The following CATSPERB variants were observed in gnomAD, a reference collection of about 807,000 sequenced individuals.
CATSPERB encodes the protein cation channel sperm-associated auxiliary subunit beta.
A neutral mutation model predicts 128.3 loss-of-function variants in CATSPERB; 93 were observed. That is an observed-to-expected ratio of 0.72 (90% CI 0.61 to 0.86). The LOEUF (loss-of-function observed/expected upper bound fraction) is 0.86. CATSPERB is among the 40% of genes least tolerant of loss of function. The probability of loss-of-function intolerance (pLI) is 0.00; values close to 1 mark genes in which losing one functional copy is unlikely to be tolerated. For missense variants in CATSPERB, 1,153 were observed against 1,329.5 expected (o/e 0.87, Z 2.06); for synonymous variants, 381 against 448.8 (o/e 0.85, Z 1.91).
intron 2 of CATSPERB, among the ~76,000 whole-genome samples, chr14:91,725,842 G>A (rs745414319): frequency 2.0e-4 from 31 of 152,126 alleles, no homozygotes; most frequent in Non-Finnish European, 3.8e-4. Flanking sequence ...TTCTGTTTTC[G>A]TGCCCAGAAG....
chr14:91,672,149 A>T (rs1007462789), intron 13 of CATSPERB, among the ~76,000 whole-genome samples: 2 of 151,470 alleles, frequency 1.3e-5, no homozygotes, highest in African/African-American at 2.4e-5. Context: ...TCCTATTAAT[A>T]TTTTTTTTTC....
In CATSPERB at chr14:91,580,747, A is replaced by C; in HGVS notation, c.*142T>G. The C allele has an allele frequency of 1.5e-6, 1 of 654,892 alleles. No individual in the cohort carries two copies. The highest frequency in any genetic ancestry group is 2.6e-6 in the Non-Finnish European group (1 of 384,412). 40.6% of individuals were successfully genotyped at this position (654,892 alleles called of 1,614,324 possible). On this transcript the variant is annotated 3_prime_UTR_variant, in exon 27 of 27. Coordinates refer to ENST00000256343, the MANE Select transcript of CATSPERB (RefSeq NM_024764.4). ...TCAAAATAAGAAAAGGAAATGGTGA[A>C]TATATTGACAAGTAGCAATTTGAAT... is the stretch of plus-strand genomic sequence containing the variant.
At chr14:91,666,380 CAAA>C (rs1376444920) in intron 14 of CATSPERB, among the ~76,000 whole-genome samples, 1 of 152,172 alleles carries the variant, frequency 6.6e-6, no homozygotes, top group Non-Finnish European at 1.5e-5. Context: ...ACCCGGAGGG[CAAA>C]TACTCATCTA....
chr14:91,601,429 G>C (rs1869679202), intron 22 of CATSPERB, among the ~76,000 whole-genome samples: 1 of 152,162 alleles, frequency 6.6e-6, no homozygotes, highest in African/African-American at 2.4e-5. Context: ...TAGAGGGTGA[G>C]AGCCAAATGT....
intron 22 of CATSPERB, among the ~76,000 whole-genome samples, chr14:91,598,405 C>T (rs1338664379): frequency 1.3e-5 from 2 of 151,872 alleles, no homozygotes; most frequent in African/African-American, 4.8e-5. Flanking sequence ...TTTAATATAA[C>T]TTTATATCCT....
chr14:91,590,046 G>A (rs541492256), intron 23 of CATSPERB, among the ~76,000 whole-genome samples: 15 of 152,204 alleles, frequency 9.9e-5, no homozygotes, highest in African/African-American at 2.9e-4. Context: ...GGGCTCTGGC[G>A]TCAGAACTCA....
chr14:91,700,923 T>C (rs140464360), intron 7 of CATSPERB, among the ~76,000 whole-genome samples: 2 of 152,184 alleles, frequency 1.3e-5, no homozygotes, highest in Non-Finnish European at 2.9e-5. Context: ...TCACACAATA[T>C]ACCCATGTAA....
chr14:91,706,846 G>A lies in CATSPERB; in HGVS notation c.466+1295C>T, dbSNP rs1348416414. Among the ~76,000 whole-genome samples the A allele has an allele frequency of 1.3e-5, 2 of 151,956 alleles. 1 individual carries two copies. The highest frequency in any genetic ancestry group is 3.9e-4 in the East Asian group (2 of 5,184). ...CATCTTAGTCCACCAAGAAGCCATA[G>A]CAGCTCTACTTTCAAAATCTATTCT... is the stretch of plus-strand genomic sequence containing the variant. On this transcript the variant is annotated intron_variant, in intron 6 of 26. Coordinates refer to ENST00000256343, the MANE Select transcript of CATSPERB (RefSeq NM_024764.4).
chr14:91,705,107 T>C (rs757746686), intron 6 of CATSPERB, among the ~76,000 whole-genome samples: 9 of 152,042 alleles, frequency 5.9e-5, no homozygotes, highest in Non-Finnish European at 1.0e-4. Context: ...AGTAGATATA[T>C]AAAAATGGGA....
At chr14:91,719,547 A>G (rs971359556) in intron 4 of CATSPERB, 69 bp from the exon 5 acceptor site, 2 of 1,215,424 alleles carry the variant, frequency 1.6e-6, no homozygotes, top group Admixed American at 2.0e-5. Flanking sequence ...ATTCTATGCT[A>G]TATTTTTAAA....
At chr14:91,681,322 A>G (rs921519948) in intron 11 of CATSPERB, among the ~76,000 whole-genome samples, 4 of 152,194 alleles carry the variant, frequency 2.6e-5, no homozygotes, top group African/African-American at 9.7e-5. Context: ...TGTCAGGGCA[A>G]ACTGTGACTC....
intron 13 of CATSPERB, among the ~76,000 whole-genome samples, chr14:91,672,468 T>C (rs1316288574): frequency 6.6e-6 from 1 of 152,140 alleles, no homozygotes; most frequent in Non-Finnish European, 1.5e-5. Flanking sequence ...TTTTAATGGC[T>C]CTAAGAAGAA....
intron 13 of CATSPERB, among the ~76,000 whole-genome samples, chr14:91,670,758 CTT>C (rs1451624425): frequency 6.6e-6 from 1 of 152,110 alleles, no homozygotes; most frequent in Non-Finnish European, 1.5e-5. Flanking sequence ...AATCCCAGCA[CTT>C]TGGGGGGCCG....
At chr14:91,683,747 C>T (rs1276186972) in intron 11 of CATSPERB, 130 bp downstream of exon 11, 14 of 576,518 alleles carry the variant, frequency 2.4e-5, no homozygotes, top group Non-Finnish European at 3.6e-5. Context: ...CCCCAAGTGC[C>T]CCTTTTTAAA....
At chr14:91,612,441 A>G (rs1893854443) in intron 20 of CATSPERB, among the ~76,000 whole-genome samples, 1 of 152,174 alleles carries the variant, frequency 6.6e-6, no homozygotes, top group African/African-American at 2.4e-5. Flanking sequence ...ATGAGCCACC[A>G]TACTTAGCCT....
At chr14:91,666,534 T>C (rs924111172) in intron 14 of CATSPERB, among the ~76,000 whole-genome samples, 6 of 152,160 alleles carry the variant, frequency 3.9e-5, no homozygotes, top group Non-Finnish European at 7.4e-5. Context: ...TTGGAATCCT[T>C]ACTCAGACTC....
chr14:91,629,395 G>A (rs1271801517), intron 17 of CATSPERB, among the ~76,000 whole-genome samples: 1 of 152,202 alleles, frequency 6.6e-6, no homozygotes, highest in Non-Finnish European at 1.5e-5. Flanking sequence ...GCAAAGCATA[G>A]AGAATTTTTA....
At chr14:91,717,585 G>T (rs1379877935) in intron 5 of CATSPERB, among the ~76,000 whole-genome samples, 1 of 152,148 alleles carries the variant, frequency 6.6e-6, no homozygotes, top group South Asian at 2.1e-4. Flanking sequence ...CATAGATAGA[G>T]TGTTTAGAGC....
intron 10 of CATSPERB, among the ~76,000 whole-genome samples, chr14:91,689,315 T>C (rs773728829): frequency 4.6e-5 from 7 of 152,210 alleles, no homozygotes; most frequent in Non-Finnish European, 1.0e-4. Context: ...CAGCACTTTG[T>C]TCTCAGGTAA....
Sources: allele counts gnomAD v4.1 joint callset (sites outside exome capture counted in the v4.1 genomes callset), GRCh38; gene constraint gnomAD v4.1.1; transcripts MANE v1.5; gene names NCBI Gene and HGNC (gene_info 2026-07-23, HGNC 2026-07-21).